Variants in FER observed in about 807,000 individuals in gnomAD.
FER encodes FER tyrosine kinase.
A neutral mutation model predicts 111.0 loss-of-function variants in FER; 63 were observed. The observed-to-expected ratio is 0.57, with a 90% CI of 0.46 to 0.70. The LOEUF is 0.70. FER is among the 30% of genes least tolerant of loss of function. FER has a pLI of 0.00. For missense variants in FER, 914 were observed against 954.0 expected (o/e 0.96, Z 0.55); for synonymous variants, 327 against 313.9 (o/e 1.04, Z -0.44).
intron 13 of FER, among the ~76,000 whole-genome samples, chr5:109,019,461 A>G (rs985174295): frequency 5.3e-5 from 8 of 151,840 alleles, no homozygotes; most frequent in African/African-American, 1.9e-4. Context: ...TAGTACTGTC[A>G]AAGTATGATT....
chr5:108,837,316 G>T (rs1760768350), intron 5 of FER, among the ~76,000 whole-genome samples: 1 of 152,152 alleles, frequency 6.6e-6, no homozygotes, highest in African/African-American at 2.4e-5. Flanking sequence ...TTACAGTCTG[G>T]TTCACTAACT....
intron 13 of FER, among the ~76,000 whole-genome samples, chr5:108,963,378 C>CTA (rs199778432): frequency 0.013 from 2,006 of 151,978 alleles, 54 homozygotes; most frequent in African/African-American, 0.046. Flanking sequence ...GCCTGACTAA[C>CTA]AAGTGAAACC....
intron 13 of FER, among the ~76,000 whole-genome samples, chr5:109,016,936 C>T (rs924445666): frequency 1.3e-5 from 2 of 151,894 alleles, no homozygotes; most frequent in African/African-American, 4.8e-5. Flanking sequence ...CCTATCTCTA[C>T]CTGTGAATAT....
At chr5:108,951,740 T>C (rs1235992900) in intron 11 of FER, among the ~76,000 whole-genome samples, 1 of 152,114 alleles carries the variant, frequency 6.6e-6, no homozygotes, top group Non-Finnish European at 1.5e-5. Context: ...TTTTTCAAAA[T>C]GGTTTATTGT....
intron 4 of FER, among the ~76,000 whole-genome samples, chr5:108,834,848 A>G (rs911724840): frequency 6.6e-6 from 1 of 152,118 alleles, no homozygotes; most frequent in African/African-American, 2.4e-5. Context: ...CGTCTGTGTC[A>G]TCAAGAACAT....
chr5:108,869,557 G>A (rs902171011), intron 6 of FER, among the ~76,000 whole-genome samples: 17 of 152,084 alleles, frequency 1.1e-4, no homozygotes, highest in Non-Finnish European at 2.2e-4. Flanking sequence ...AAGACGGGAG[G>A]AAGGACAGAG....
chr5:109,051,237 C>T, intron 16 of FER: 1 of 932,040 alleles, frequency 1.1e-6, no homozygotes, highest in Non-Finnish European at 1.8e-6. Flanking sequence ...TCAAAATTAA[C>T]ACCTGGTGCA....
At chr5:109,100,270 G>A in intron 16 of FER, 126 bp from the exon 17 acceptor site, 1 of 1,091,158 alleles carries the variant, frequency 9.2e-7, no homozygotes, top group Non-Finnish European at 1.3e-6. Flanking sequence ...AAACAAATTG[G>A]GCAAAAAGCA....
At chr5:108,972,056 C>A (rs1053793797) in intron 13 of FER, among the ~76,000 whole-genome samples, 2 of 151,764 alleles carry the variant, frequency 1.3e-5, no homozygotes, top group African/African-American at 4.8e-5. Context: ...TGGAGGTTCA[C>A]CATCTTCTTT....
At position 108,858,084 on chromosome 5, in the gene FER, C is replaced by T. The variant is rs113726115; in HGVS notation, c.482-9683C>T. On this transcript the variant is annotated intron_variant, in intron 5 of 19. Coordinates refer to ENST00000281092, the MANE Select transcript of FER (RefSeq NM_005246.4). ...TGACAGACACAGGAAATAAGCAACACGTACACATTCATGTACACCTGTGCT... is the reference window on the plus strand; with the variant it reads ...TGACAGACACAGGAAATAAGCAACATGTACACATTCATGTACACCTGTGCT... Among the ~76,000 whole-genome samples the T allele has an allele frequency of 2.6e-5, 4 of 152,294 alleles. 1 individual carries two copies. The highest frequency in any genetic ancestry group is 2.1e-4 in the South Asian group (1 of 4,822).
chr5:108,973,045 T>C (rs545364593), intron 13 of FER, among the ~76,000 whole-genome samples: 98 of 152,294 alleles, frequency 6.4e-4, no homozygotes, highest in African/African-American at 2.3e-3. Context: ...ATCTAATTGT[T>C]TCCATTAAAT....
Position 109,055,078 on chromosome 5 carries a change from C to T in FER, c.1924+7880C>T, listed in dbSNP as rs116636443. On this transcript the variant is annotated intron_variant, in intron 16 of 19. Transcript: ENST00000281092. ...ACACAAAGGGGAAAGAATAGTCTGC[C>T]TGACAGATGGTGCTGGGAAAACTGC... 6.2e-3 allele frequency among the ~76,000 whole-genome samples: 938 copies of T among 152,206 alleles called. 4 individuals are homozygous for T. Among genetic ancestry groups the T allele is most frequent in the Non-Finnish European group, 0.011 (751 of 68,000 alleles).
chr5:108,871,132 C>G (rs938394505), intron 6 of FER, among the ~76,000 whole-genome samples: 1 of 151,992 alleles, frequency 6.6e-6, no homozygotes, highest in Non-Finnish European at 1.5e-5. Flanking sequence ...AAGGTAATGC[C>G]ATATTCTATA....
intron 13 of FER, among the ~76,000 whole-genome samples, chr5:109,008,133 C>G (rs959526146): frequency 1.1e-4 from 16 of 152,072 alleles, no homozygotes; most frequent in Non-Finnish European, 2.1e-4. Flanking sequence ...AAATTATAAT[C>G]TTGTACTCAC....
At chr5:108,874,639 T>C (rs1212643177) in intron 8 of FER, among the ~76,000 whole-genome samples, 1 of 151,888 alleles carries the variant, frequency 6.6e-6, no homozygotes, top group Admixed American at 6.6e-5. Context: ...AACTTAGTAG[T>C]GCTTTAAAGT....
At chr5:109,130,660 G>A (rs759194652) in intron 17 of FER, among the ~76,000 whole-genome samples, 9 of 151,696 alleles carry the variant, frequency 5.9e-5, no homozygotes, top group Non-Finnish European at 1.0e-4. Context: ...CCTGCTGCCT[G>A]TTGATAAATT....
intron 10 of FER, among the ~76,000 whole-genome samples, chr5:108,932,254 G>A (rs969455705): frequency 6.6e-6 from 1 of 152,048 alleles, no homozygotes; most frequent in African/African-American, 2.4e-5. Context: ...TCCCACTTAT[G>A]AGTGAGAACA....
At chr5:108,896,575 A>C (rs1435939516) in intron 9 of FER, among the ~76,000 whole-genome samples, 1 of 152,104 alleles carries the variant, frequency 6.6e-6, no homozygotes, top group Non-Finnish European at 1.5e-5. Context: ...TTGTTAGGAC[A>C]CTCACCTGAA....
At chr5:108,911,649 G>C (rs1008446482) in intron 10 of FER, among the ~76,000 whole-genome samples, 1 of 152,092 alleles carries the variant, frequency 6.6e-6, no homozygotes, top group Non-Finnish European at 1.5e-5. Flanking sequence ...TATATGGTGA[G>C]AGATAGGGGT....
Sources: gnomAD v4.1 joint callset for allele counts (sites outside exome capture counted in the v4.1 genomes callset) on GRCh38, gnomAD v4.1.1 for gene constraint, MANE v1.5 for transcripts, NCBI Gene and HGNC (gene_info 2026-07-23, HGNC 2026-07-21) for gene names.